The following NPAS2 variants were observed in gnomAD, a reference collection of about 807,000 sequenced individuals.
The protein encoded by NPAS2 is neuronal PAS domain-containing protein 2.
A neutral mutation model predicts 107.5 loss-of-function variants in NPAS2; 23 were observed. The ratio of observed to expected loss-of-function variants is 0.21; its 90% CI spans 0.15 to 0.30. NPAS2 has a LOEUF of 0.30. Among genes scored for constraint, NPAS2 ranks in the 10% least tolerant of loss-of-function variants. The probability of loss-of-function intolerance (pLI) is 1.00; values close to 1 mark genes in which losing one functional copy is unlikely to be tolerated. For missense variants in NPAS2, 756 were observed against 1,043.3 expected, an observed-to-expected ratio of 0.72 and a Z score of 3.79; for synonymous variants, 403 against 417.5, an observed-to-expected ratio of 0.97 and a Z score of 0.42.
At chr2:100,955,206 G>T (rs557108697) in intron 7 of NPAS2, among the ~76,000 whole-genome samples, 1 of 152,292 alleles carries the variant, frequency 6.6e-6, no homozygotes, top group Non-Finnish European at 1.5e-5. Context: ...GTCCATTACT[G>T]TGAAAAGTCT....
intron 1 of NPAS2, among the ~76,000 whole-genome samples, chr2:100,824,202 T>A (rs6542993): frequency 0.33 from 50,064 of 152,034 alleles, 10,899 homozygotes; most frequent in East Asian, 0.6. Context: ...CAATTTGGTT[T>A]ACCAGCAAAC....
intron 1 of NPAS2, among the ~76,000 whole-genome samples, chr2:100,828,977 T>G (rs1003657936): frequency 5.9e-5 from 9 of 152,344 alleles, no homozygotes; most frequent in Non-Finnish European, 1.3e-4. Flanking sequence ...ATCTGTAGAT[T>G]GCTTTGGGCA....
chr2:100,926,072 G>A (rs1046497324), intron 3 of NPAS2, among the ~76,000 whole-genome samples: 30 of 152,048 alleles, frequency 2.0e-4, no homozygotes, highest in Non-Finnish European at 3.4e-4. Context: ...CTTCTTTCAC[G>A]TAGCATCTGT....
intron 12 of NPAS2, 79 bp downstream of exon 12, chr2:100,971,153 G>T: frequency 1.4e-6 from 2 of 1,392,902 alleles, no homozygotes; most frequent in Non-Finnish European, 2.0e-6. Context: ...TGAAACAAGG[G>T]TTTCTTTTCA....
At chr2:100,967,416 T>TG (rs1221766890) in intron 10 of NPAS2, among the ~76,000 whole-genome samples, 2 of 151,736 alleles carry the variant, frequency 1.3e-5, no homozygotes, top group Admixed American at 6.6e-5. Flanking sequence ...TTAGTAGAGA[T>TG]GGGGTCTCAC....
chr2:100,823,998 CAG>C (rs1676225144), intron 1 of NPAS2, among the ~76,000 whole-genome samples: 1 of 152,180 alleles, frequency 6.6e-6, no homozygotes, highest in Admixed American at 6.5e-5. Context: ...ACCTGAGACT[CAG>C]AGTCCTTGTC....
chr2:100,834,033 T>C (rs1234871010), intron 1 of NPAS2, among the ~76,000 whole-genome samples: 1 of 152,104 alleles, frequency 6.6e-6, no homozygotes, highest in Non-Finnish European at 1.5e-5. Context: ...TGGTGCACCT[T>C]TTCCAGGTAA....
At chr2:100,842,583 TA>T (rs1677512261) in intron 1 of NPAS2, among the ~76,000 whole-genome samples, 3 of 152,162 alleles carry the variant, frequency 2.0e-5, no homozygotes, top group Admixed American at 2.0e-4. Context: ...TATTCACTTA[TA>T]TAAAGTCCTT....
At chr2:100,818,859 G>A (rs562952490), upstream of NPAS2, among the ~76,000 whole-genome samples, 2 of 152,332 alleles carry the variant, frequency 1.3e-5, no homozygotes, top group African/African-American at 4.8e-5. Context: ...CCCCTCTCCC[G>A]GGCTTCCACC....
At chr2:100,893,128 AG>A (rs1416439176) in intron 1 of NPAS2, among the ~76,000 whole-genome samples, 1 of 152,232 alleles carries the variant, frequency 6.6e-6, no homozygotes, top group Non-Finnish European at 1.5e-5. Context: ...CAAATGACAA[AG>A]GAAGATAAGT....
intron 7 of NPAS2, among the ~76,000 whole-genome samples, chr2:100,954,743 A>C (rs1230757530): frequency 6.6e-6 from 1 of 150,762 alleles, no homozygotes; most frequent in Non-Finnish European, 1.5e-5. Flanking sequence ...TCCCCATACA[A>C]CTTCTCCAAC....
rs528844857 is a variant in NPAS2, at chr2:100,852,177, A to T, written c.-23+31763A>T. 1.6e-4 allele frequency among the ~76,000 whole-genome samples: 25 copies of T among 152,180 alleles called. No homozygotes were observed. The East Asian group carries it at 4.9e-3, about 30-fold the overall frequency. On this transcript the variant is annotated intron_variant, in intron 1 of 20. Coordinates refer to ENST00000335681, the MANE Select transcript of NPAS2 (RefSeq NM_002518.4). ...TTTGGGAGGTCAAGGCGGGCGGATC[A>T]CGAGGTCAGGAGATCAAGACCATCC... is the stretch of plus-strand genomic sequence containing the variant.
intron 1 of NPAS2, among the ~76,000 whole-genome samples, chr2:100,845,063 T>A (rs1677688284): frequency 6.6e-6 from 1 of 152,156 alleles, no homozygotes; most frequent in African/African-American, 2.4e-5. Context: ...GCTGCAAGCA[T>A]GCCCTGATTG....
chr2:100,958,203 C>T (rs1675696622), intron 7 of NPAS2, among the ~76,000 whole-genome samples: 1 of 152,190 alleles, frequency 6.6e-6, no homozygotes, highest in Non-Finnish European at 1.5e-5. Context: ...TACCTACTCG[C>T]CTCTAACCGC....
chr2:100,823,072 T>C (rs1451391484), intron 1 of NPAS2, among the ~76,000 whole-genome samples: 1 of 152,176 alleles, frequency 6.6e-6, no homozygotes, highest in Non-Finnish European at 1.5e-5. Context: ...TTGTTCAGAA[T>C]AGATGCTCAG....
intron 1 of NPAS2, among the ~76,000 whole-genome samples, chr2:100,831,474 G>C (rs746795914): frequency 1.3e-5 from 2 of 152,116 alleles, no homozygotes; most frequent in Non-Finnish European, 2.9e-5. Flanking sequence ...CCAAGTTGTG[G>C]GGTGTGTGGT....
intron 1 of NPAS2, among the ~76,000 whole-genome samples, chr2:100,879,428 C>T (rs868155384): frequency 1.3e-5 from 2 of 152,172 alleles, no homozygotes; most frequent in South Asian, 4.1e-4. Flanking sequence ...TCATGTTACT[C>T]TAGCCTTGCT....
chr2:100,948,391 G>T (rs775267691), intron 6 of NPAS2, 36 bp downstream of exon 6: 1 of 1,563,232 alleles, frequency 6.4e-7, no homozygotes, highest in Non-Finnish European at 8.6e-7. Context: ...AAGCTAGAAA[G>T]ATAAGAATTT....
chr2:100,822,352 T>C (rs1016305176), intron 1 of NPAS2, among the ~76,000 whole-genome samples: 1 of 152,246 alleles, frequency 6.6e-6, no homozygotes, highest in African/African-American at 2.4e-5. Flanking sequence ...TTAAGCTCAT[T>C]TGGTTCTCTT....
Sources: gnomAD v4.1 joint callset for allele counts (sites outside exome capture counted in the v4.1 genomes callset) on GRCh38, gnomAD v4.1.1 for gene constraint, MANE v1.5 for transcripts, NCBI Gene and HGNC (gene_info 2026-07-23, HGNC 2026-07-21) for gene names.